Variants in RGS7 observed in about 807,000 individuals in gnomAD.
RGS7 encodes the protein regulator of G-protein signaling 7.
Under a neutral mutation model 81.1 loss-of-function variants are expected in RGS7, and 27 were observed. The ratio of observed to expected loss-of-function variants is 0.33; its 90% confidence interval spans 0.25 to 0.46. The LOEUF (loss-of-function observed/expected upper bound fraction) is 0.46. RGS7 is among the 20% of genes least tolerant of loss of function. RGS7 has a pLI of 1.00. For missense variants in RGS7, 396 were observed against 607.4 expected (o/e 0.65, Z 3.66); for synonymous variants, 208 against 207.7 (o/e 1.00, Z -0.01).
At chr1:241,153,620 T>A (rs2068909938) in intron 2 of RGS7, among the ~76,000 whole-genome samples, 1 of 152,258 alleles carries the variant, frequency 6.6e-6, no homozygotes, top group African/African-American at 2.4e-5. Context: ...CCCACCTCTT[T>A]GGGTGTTCAG....
chr1:240,861,697 C>T (rs1490803054), intron 9 of RGS7, among the ~76,000 whole-genome samples: 3 of 152,066 alleles, frequency 2.0e-5, no homozygotes, highest in Non-Finnish European at 4.4e-5. Context: ...CATGGGAATT[C>T]TCATTCCTAG....
chr1:241,082,416 G>A (rs1177531932), intron 3 of RGS7, among the ~76,000 whole-genome samples: 1 of 152,154 alleles, frequency 6.6e-6, no homozygotes, highest in Admixed American at 6.5e-5. Flanking sequence ...TAAAATCAAA[G>A]CATTTAGATA....
At chr1:240,888,529 C>T (rs1234531753) in intron 6 of RGS7, among the ~76,000 whole-genome samples, 1 of 152,144 alleles carries the variant, frequency 6.6e-6, no homozygotes, top group Non-Finnish European at 1.5e-5. Context: ...TATCATTGCT[C>T]TCAGAGGGCT....
At chr1:240,843,033 C>T (rs61832424) in intron 9 of RGS7, among the ~76,000 whole-genome samples, 101,166 of 151,456 alleles carry the variant, frequency 0.67, 34,175 homozygotes, top group Middle Eastern at 0.76. Flanking sequence ...GGCATGGTGG[C>T]GGGTGCCTTT....
At chr1:240,990,514 G>A (rs1381042713) in intron 3 of RGS7, among the ~76,000 whole-genome samples, 11 of 152,190 alleles carry the variant, frequency 7.2e-5, no homozygotes, top group Non-Finnish European at 1.6e-4. Context: ...ACTTCGTGAT[G>A]TGTATATGAT....
chr1:240,826,748 T>C (rs1393473956), intron 10 of RGS7, among the ~76,000 whole-genome samples: 1 of 151,466 alleles, frequency 6.6e-6, no homozygotes, highest in African/African-American at 2.5e-5. Flanking sequence ...CACAAAATTC[T>C]AGTGTTAAGA....
chr1:241,229,975 G>C (rs1230974715), intron 2 of RGS7, among the ~76,000 whole-genome samples: 1 of 152,168 alleles, frequency 6.6e-6, no homozygotes, highest in Non-Finnish European at 1.5e-5. Context: ...AGTTCAGCGT[G>C]AAGGGCTACT....
chr1:241,092,719 CG>C (rs1234594060), intron 3 of RGS7, among the ~76,000 whole-genome samples: 9 of 152,046 alleles, frequency 5.9e-5, no homozygotes, highest in African/African-American at 2.2e-4. Flanking sequence ...GGGCAGATTC[CG>C]GGCAAAACCA....
At chr1:241,292,359 C>T (rs1044747736) in intron 2 of RGS7, among the ~76,000 whole-genome samples, 28 of 152,088 alleles carry the variant, frequency 1.8e-4, no homozygotes, top group Non-Finnish European at 5.9e-5. Flanking sequence ...ATTCAACTAG[C>T]AGCTTAGTGC....
At chr1:241,124,999 C>T (rs757874964) in intron 2 of RGS7, among the ~76,000 whole-genome samples, 1 of 152,216 alleles carries the variant, frequency 6.6e-6, no homozygotes, top group Admixed American at 6.5e-5. Flanking sequence ...GCAGAAAATA[C>T]TACTTGGGAT....
chr1:241,187,971 T>C (rs186130004), intron 2 of RGS7, among the ~76,000 whole-genome samples: 20 of 152,242 alleles, frequency 1.3e-4, no homozygotes, highest in Middle Eastern at 6.8e-3. Context: ...GAAGAGAGGA[T>C]GGTAAATGGG....
chr1:241,224,617 T>C (rs1241523013), intron 2 of RGS7, among the ~76,000 whole-genome samples: 1 of 152,302 alleles, frequency 6.6e-6, no homozygotes, highest in East Asian at 1.9e-4. Context: ...TGTGGTTTAC[T>C]GAAAACTTAC....
chr1:240,954,628 T>C (rs424141), intron 4 of RGS7, among the ~76,000 whole-genome samples: 132,149 of 151,982 alleles, frequency 0.87, 57,634 homozygotes, highest in Admixed American at 0.93. Context: ...TCTACAAAAA[T>C]ACTACAGCTA....
At chr1:241,133,298 GA>G (rs1232026495) in intron 2 of RGS7, among the ~76,000 whole-genome samples, 1 of 150,124 alleles carries the variant, frequency 6.7e-6, no homozygotes, top group African/African-American at 2.4e-5. Flanking sequence ...AAACCACAGA[GA>G]AAAAAATAAT....
At chr1:240,898,708 T>C (rs556572805) in intron 6 of RGS7, among the ~76,000 whole-genome samples, 1 of 152,210 alleles carries the variant, frequency 6.6e-6, no homozygotes, top group Non-Finnish European at 1.5e-5. Context: ...TCCAACTATG[T>C]GGTCAATTTT....
intron 2 of RGS7, among the ~76,000 whole-genome samples, chr1:241,119,319 T>C (rs1329939856): frequency 6.6e-6 from 1 of 152,222 alleles, no homozygotes; most frequent in Non-Finnish European, 1.5e-5. Flanking sequence ...TCAGTTGCAA[T>C]ATGTTGTTTT....
At chr1:241,330,373 A>G (rs2081902816) in intron 2 of RGS7, among the ~76,000 whole-genome samples, 2 of 152,252 alleles carry the variant, frequency 1.3e-5, no homozygotes, top group South Asian at 4.1e-4. Context: ...AAAAAACAAC[A>G]TGATGAAAAG....
intron 2 of RGS7, among the ~76,000 whole-genome samples, chr1:241,232,674 GAA>G (rs74259978): frequency 3.7e-5 from 5 of 135,782 alleles, no homozygotes; most frequent in Non-Finnish European, 4.8e-5. Context: ...TCAATTTCTG[GAA>G]AAAAAAAAAA....
At chr1:240,935,090 G>C (rs1229220199) in intron 5 of RGS7, among the ~76,000 whole-genome samples, 1 of 150,808 alleles carries the variant, frequency 6.6e-6, no homozygotes, top group East Asian at 1.9e-4. Context: ...GTAGAGATGA[G>C]GTTTCACCAT....
Sources: gnomAD v4.1 joint callset for allele counts (sites outside exome capture counted in the v4.1 genomes callset) on GRCh38, gnomAD v4.1.1 for gene constraint, MANE v1.5 for transcripts, NCBI Gene and HGNC (gene_info 2026-07-23, HGNC 2026-07-21) for gene names.